Variants in OSBPL9 observed in about 807,000 individuals in gnomAD.
OSBPL9 encodes the protein oxysterol-binding protein-related protein 9.
OSBPL9 carries 40 observed loss-of-function variants against 106.6 expected under a neutral mutation model. The observed-to-expected ratio is 0.38, with a 90% CI of 0.29 to 0.49. The LOEUF (loss-of-function observed/expected upper bound fraction) is 0.49, where lower values mean the gene tolerates loss of function less well. OSBPL9 is among the 20% of genes least tolerant of loss of function. The probability of loss-of-function intolerance (pLI) is 0.97; values close to 1 mark genes in which losing one functional copy is unlikely to be tolerated. For missense variants in OSBPL9, 609 were observed against 887.2 expected (o/e 0.69, Z 3.98); for synonymous variants, 269 against 295.4 (o/e 0.91, Z 0.92).
intron 2 of OSBPL9, among the ~76,000 whole-genome samples, chr1:51,668,495 G>C (rs539713253): frequency 6.6e-6 from 1 of 152,160 alleles, no homozygotes; most frequent in Non-Finnish European, 1.5e-5. Context: ...GGTGGCACAC[G>C]CTTGTAATCC....
chr1:51,683,747 C>T (rs554105028), intron 3 of OSBPL9, among the ~76,000 whole-genome samples: 3 of 151,716 alleles, frequency 2.0e-5, no homozygotes, highest in Non-Finnish European at 2.9e-5. Context: ...GAGCCAAGAT[C>T]GCGCCCCTGC....
At chr1:51,741,550 CCT>C (rs1271418559) in intron 4 of OSBPL9, among the ~76,000 whole-genome samples, 23 of 150,560 alleles carry the variant, frequency 1.5e-4, no homozygotes, top group African/African-American at 5.4e-4. Context: ...CCTCCCCCAA[CCT>C]CTCTTTCTCT....
intron 1 of OSBPL9, among the ~76,000 whole-genome samples, chr1:51,594,446 A>C (rs1645290373): frequency 6.6e-6 from 1 of 152,028 alleles, no homozygotes; most frequent in Admixed American, 6.6e-5. Context: ...AAAGAAAAAA[A>C]AGAAACAGAA....
intron 3 of OSBPL9, among the ~76,000 whole-genome samples, chr1:51,694,779 G>T (rs1426865328): frequency 6.6e-6 from 1 of 152,062 alleles, no homozygotes; most frequent in Non-Finnish European, 1.5e-5. Flanking sequence ...ATCAGAAAAG[G>T]CTTTAAGTTT....
chr1:51,662,567 G>T (rs1647288540), intron 2 of OSBPL9, among the ~76,000 whole-genome samples: 1 of 152,008 alleles, frequency 6.6e-6, no homozygotes, highest in Admixed American at 6.6e-5. Flanking sequence ...AATGAATAAA[G>T]CAATAAAAGA....
At chr1:51,590,014 C>CA (rs1414443621) in intron 1 of OSBPL9, among the ~76,000 whole-genome samples, 2 of 116,366 alleles carry the variant, frequency 1.7e-5, no homozygotes, top group Admixed American at 1.2e-4. Context: ...GCCCAGGGAA[C>CA]AGTGTGAGAC....
Position 51,786,605 on chromosome 1 carries a change from A to G in OSBPL9, c.1988A>G (p.Tyr663Cys). Residue 663 changes from tyrosine (Y) to cysteine (C), a missense_variant, in exon 22 of 24, where the codon TAT (tyrosine) becomes TGT (cysteine). This residue lies in a region of OSBPL9 where 132 missense variants were observed against 158.1 expected (regional missense o/e 0.83). Coordinates refer to ENST00000428468, the MANE Select transcript of OSBPL9 (RefSeq NM_024586.6). ...KVRKLEDQNE[Y>C]ESRSLWKDVT... ...AGGAAGTTGGAAGATCAGAACGAGT[A>G]TGAATCCCGCAGGTAAGCCGACATT... The G allele has an allele frequency of 6.2e-7, 1 of 1,612,018 alleles. No individual in the cohort carries two copies. Among genetic ancestry groups the G allele is most frequent in the Non-Finnish European group, 8.5e-7 (1 of 1,178,224 alleles).
chr1:51,747,975 G>C (rs1668383162), intron 6 of OSBPL9, among the ~76,000 whole-genome samples: 1 of 152,044 alleles, frequency 6.6e-6, no homozygotes, highest in Non-Finnish European at 1.5e-5. Context: ...ATTTTTAGTA[G>C]AGGTGGGGTT....
At chr1:51,708,386 G>C (rs1054478627) in intron 3 of OSBPL9, among the ~76,000 whole-genome samples, 5 of 150,482 alleles carry the variant, frequency 3.3e-5, no homozygotes, top group African/African-American at 1.2e-4. Flanking sequence ...TCAGTTTTTA[G>C]AAATATTCTG....
chr1:51,758,998 G>A lies in OSBPL9; in HGVS notation c.583-1692G>A, dbSNP rs558712393. On this transcript the variant is annotated intron_variant, in intron 9 of 23. Coordinates refer to ENST00000428468, the MANE Select transcript of OSBPL9 (RefSeq NM_024586.6). ...TTTTTATTTTGCAGACCGGGAAACT[G>A]AGGCCCATAGAGGATAAGAGACTTA... 3.3e-5 allele frequency among the ~76,000 whole-genome samples: 5 copies of A among 152,130 alleles called. No homozygotes were observed. In the East Asian group the frequency reaches 9.7e-4, roughly 29 times the overall value.
At chr1:51,523,543 A>G in the OSBPL9 span, among the ~76,000 whole-genome samples, 116 of 152,310 alleles carry the variant, frequency 7.6e-4, no homozygotes, top group Middle Eastern at 3.4e-3. Flanking sequence ...ATACACAATT[A>G]TACACGGGTC....
intron 2 of OSBPL9, among the ~76,000 whole-genome samples, chr1:51,653,143 A>G (rs997686900): frequency 2.6e-5 from 4 of 152,094 alleles, no homozygotes; most frequent in African/African-American, 7.2e-5. Flanking sequence ...TTTCAATCAG[A>G]TGGTATATAT....
chr1:51,546,424 G>A, the OSBPL9 span, among the ~76,000 whole-genome samples: 46 of 152,194 alleles, frequency 3.0e-4, 1 homozygote, highest in African/African-American at 1.0e-3. Flanking sequence ...ATGGCTGGGC[G>A]CGGTGGCTCA....
chr1:51,680,967 AC>A (rs1298530955), intron 3 of OSBPL9, among the ~76,000 whole-genome samples: 10 of 152,304 alleles, frequency 6.6e-5, no homozygotes, highest in African/African-American at 1.4e-4. Flanking sequence ...ACTCAATGTC[AC>A]TGCAAAAATA....
At chr1:51,666,041 T>A (rs1570923638) in intron 2 of OSBPL9, among the ~76,000 whole-genome samples, 1 of 151,860 alleles carries the variant, frequency 6.6e-6, no homozygotes, top group African/African-American at 2.4e-5. Context: ...AGAGACAGGG[T>A]TTCAACATGT....
chr1:51,620,888 A>G (rs934790326), intron 1 of OSBPL9, among the ~76,000 whole-genome samples: 13 of 152,268 alleles, frequency 8.5e-5, no homozygotes, highest in Admixed American at 4.6e-4. Flanking sequence ...TTTTGATAAG[A>G]CTGGTTAATT....
chr1:51,750,270 A>G (rs532448210), intron 8 of OSBPL9, 75 bp downstream of exon 8: 11 of 1,010,900 alleles, frequency 1.1e-5, no homozygotes, highest in Middle Eastern at 2.3e-4. Context: ...TTTAATAGCA[A>G]AAAAACTCAG....
the OSBPL9 span, among the ~76,000 whole-genome samples, chr1:51,523,115 A>T: frequency 6.6e-6 from 1 of 152,122 alleles, no homozygotes; most frequent in South Asian, 2.1e-4. Flanking sequence ...CAATCAAATA[A>T]AAATAAATAA....
chr1:51,743,300 AAAG>A (rs906643766), intron 4 of OSBPL9, among the ~76,000 whole-genome samples: 10 of 152,194 alleles, frequency 6.6e-5, no homozygotes, highest in African/African-American at 2.2e-4. Flanking sequence ...TCTAGAGTTA[AAAG>A]AAGGTTATGG....
Sources: allele counts gnomAD v4.1 joint callset (sites outside exome capture counted in the v4.1 genomes callset), GRCh38; gene constraint gnomAD v4.1.1; regional missense constraint gnomAD v4.1.1; transcripts MANE v1.5; gene names NCBI Gene and HGNC (gene_info 2026-07-23, HGNC 2026-07-21).